Variants in FNDC3A observed in about 807,000 individuals in gnomAD.
FNDC3A encodes the protein fibronectin type-III domain-containing protein 3A.
FNDC3A carries 32 observed loss-of-function variants against 148.9 expected under a neutral mutation model. That is an observed-to-expected ratio of 0.21 (90% CI 0.16 to 0.29). The LOEUF (loss-of-function observed/expected upper bound fraction) is 0.29. Ranked by LOEUF, FNDC3A falls within the 10% of genes least tolerant of loss-of-function variation. FNDC3A has a pLI of 1.00. For synonymous variants in FNDC3A, 472 were observed against 473.6 expected (o/e 1.00, Z 0.04); for missense variants, 1,191 against 1,452.8 (o/e 0.82, Z 2.93).
chr13:49,174,643 A>G, intron 12 of FNDC3A, 84 bp downstream of exon 12: 1 of 1,236,100 alleles, frequency 8.1e-7, no homozygotes, highest in African/African-American at 1.5e-5. Flanking sequence ...TGTCCAAATT[A>G]TTCATTAAAA....
intron 24 of FNDC3A, among the ~76,000 whole-genome samples, chr13:49,202,471 A>T (rs1201317060): frequency 6.6e-6 from 1 of 152,182 alleles, no homozygotes; most frequent in African/African-American, 2.4e-5. Flanking sequence ...AGGGGTTCTT[A>T]TTTTAAAGTG....
rs1484975584 is a variant in FNDC3A at position 49,188,625 on chromosome 13, C to G, written c.1936C>G (p.Gln646Glu). 3 of 1,599,378 alleles carry G rather than the reference C, an allele frequency of 1.9e-6. No homozygotes were observed. In the East Asian group the frequency reaches 6.7e-5, roughly 36 times the overall value. The change falls in exon 17 of 26, where the codon CAG (glutamine) becomes GAG (glutamate). Residue 646 changes from glutamine (Q) to glutamate (E), a missense_variant. Around this residue, in one of 3 missense-constraint regions of FNDC3A, gnomAD observed 751 missense variants for 944.0 expected, o/e 0.80. Coordinates refer to ENST00000492622, the MANE Select transcript of FNDC3A (RefSeq NM_001079673.2). ...AGTTTACTGCATCAGTGATGGAGGA[C>G]AGAGTGCGGTAATACTTATATGTAG... is the stretch of plus-strand genomic sequence containing the variant. ...LRVYCISDGG[Q>E]SAVSESLLVQ...
intron 2 of FNDC3A, among the ~76,000 whole-genome samples, chr13:49,057,938 C>A (rs551514326): frequency 9.9e-5 from 15 of 152,148 alleles, no homozygotes; most frequent in Middle Eastern, 3.4e-3. Flanking sequence ...GTATCTCCCC[C>A]CCAAAATTTA....
At chr13:49,206,340 TA>T (rs1555306665) in intron 25 of FNDC3A, among the ~76,000 whole-genome samples, 1 of 151,044 alleles carries the variant, frequency 6.6e-6, no homozygotes, top group Admixed American at 6.6e-5. Context: ...TATAGCTTCT[TA>T]TTTATGCCTA....
intron 2 of FNDC3A, among the ~76,000 whole-genome samples, chr13:49,050,402 G>T (rs993844565): frequency 7.9e-5 from 12 of 152,164 alleles, no homozygotes; most frequent in Non-Finnish European, 1.6e-4. Context: ...TTTTGACCCA[G>T]TGATCATTCA....
chr13:49,030,707 A>C (rs1874047065), intron 2 of FNDC3A, among the ~76,000 whole-genome samples: 1 of 152,244 alleles, frequency 6.6e-6, no homozygotes, highest in Non-Finnish European at 1.5e-5. Flanking sequence ...TTGTATTTCT[A>C]TATACGGGCA....
intron 2 of FNDC3A, among the ~76,000 whole-genome samples, chr13:49,010,712 A>T (rs942295810): frequency 2.0e-5 from 3 of 152,214 alleles, no homozygotes; most frequent in Admixed American, 6.6e-5. Flanking sequence ...AATACTGCCA[A>T]TACCCTAGAA....
Position 49,207,404 on chromosome 13 carries a change from C to T in FNDC3A, c.*9C>T. 6.7e-7 allele frequency: 1 copy of T among 1,481,682 alleles called. No individual in the cohort carries two copies. Among genetic ancestry groups the T allele is most frequent in the Non-Finnish European group, 9.3e-7 (1 of 1,076,726 alleles). 91.8% of individuals were successfully genotyped at this position (1,481,682 alleles called of 1,614,324 possible). On this transcript the variant is annotated 3_prime_UTR_variant, in exon 26 of 26. Coordinates refer to ENST00000492622, the MANE Select transcript of FNDC3A (RefSeq NM_001079673.2). ...ACTTTGTAATCAAGTGAAAATATAACTTTATTTTTTAACTCTATTACATTT... is the reference window on the plus strand; with the variant it reads ...ACTTTGTAATCAAGTGAAAATATAATTTTATTTTTTAACTCTATTACATTT...
chr13:49,062,047 TGC>T (rs1461823322), intron 2 of FNDC3A, among the ~76,000 whole-genome samples: 2 of 151,900 alleles, frequency 1.3e-5, no homozygotes, highest in Non-Finnish European at 2.9e-5. Context: ...TGTAAAGGAT[TGC>T]CAGGGACAAG....
In FNDC3A at chr13:49,208,492, G is replaced by A. The variant is rs887336576; in HGVS notation, c.*1097G>A. 8 of 152,556 alleles carry A rather than the reference G, an allele frequency of 5.2e-5. No homozygotes were observed. Among genetic ancestry groups the A allele is most frequent in the African/African-American group, 1.7e-4 (7 of 41,428 alleles). The allele number at this position is 152,556 out of a possible 1,614,324, so 9.5% of individuals were successfully genotyped here. ...CTGCTTTCTTTCTTGAAAACTAAAC[G>A]TTTAACGTATAATGTCTGTTTGGAT... On this transcript the variant is annotated 3_prime_UTR_variant, in exon 26 of 26. Coordinates refer to ENST00000492622, the MANE Select transcript of FNDC3A (RefSeq NM_001079673.2).
In FNDC3A at chr13:49,158,341, C is replaced by T. The variant is rs528330676; in HGVS notation, c.978-8903C>T. The stretch of plus-strand genomic sequence containing the variant: ...GGAAAGGGAACTCCCTGACCCCTTG[C>T]GCTTCCCAAGTGAGGCAATGCCTCG... On this transcript the variant is annotated intron_variant, in intron 8 of 25. Coordinates refer to ENST00000492622, the MANE Select transcript of FNDC3A (RefSeq NM_001079673.2). Among the ~76,000 whole-genome samples the T allele has an allele frequency of 1.5e-4, 23 of 152,354 alleles. No homozygotes were observed. The South Asian group carries it at 1.7e-3, about 11-fold the overall frequency.
chr13:49,042,760 G>GAGCA (rs1458620309), intron 2 of FNDC3A, among the ~76,000 whole-genome samples: 5 of 152,118 alleles, frequency 3.3e-5, no homozygotes, highest in African/African-American at 1.2e-4. Flanking sequence ...CTAGGCAACA[G>GAGCA]AGACCCTGTC....
chr13:49,191,226 G>A lies in FNDC3A; in HGVS notation c.2068G>A (p.Gly690Ser). The A allele has an allele frequency of 6.2e-7, 1 of 1,609,040 alleles. No individual in the cohort carries two copies. The highest frequency in any genetic ancestry group is 8.5e-7 in the Non-Finnish European group (1 of 1,178,208). Reference sequence around the variant, plus strand: ...TCTTTTAGGACCCCCTCTGGTTGATGGTGGATCACCCATTTCCTGTTACAG... The same window carrying A: ...TCTTTTAGGACCCCCTCTGGTTGATAGTGGATCACCCATTTCCTGTTACAG... Reference protein sequence around the residue: ...QLRWGPPLVDGGSPISCYSVE... With the variant: ...QLRWGPPLVDSGSPISCYSVE... Residue 690 changes from glycine (G) to serine (S), a missense_variant, in exon 19 of 26, where the codon GGT becomes AGT. This residue lies in a region of FNDC3A where 751 missense variants were observed against 944.0 expected (regional missense o/e 0.80). Coordinates refer to ENST00000492622, the MANE Select transcript of FNDC3A (RefSeq NM_001079673.2).
chr13:49,122,681 A>G (rs1259184948), intron 4 of FNDC3A, among the ~76,000 whole-genome samples: 1 of 152,208 alleles, frequency 6.6e-6, no homozygotes, highest in African/African-American at 2.4e-5. Flanking sequence ...TGCAAAAATC[A>G]CAAGCATTCC....
At chr13:49,148,350 A>C (rs1025256204) in intron 8 of FNDC3A, among the ~76,000 whole-genome samples, 5 of 149,468 alleles carry the variant, frequency 3.3e-5, no homozygotes, top group African/African-American at 1.3e-4. Flanking sequence ...TCAGGTCTTA[A>C]ACATTTAAGT....
chr13:49,122,762 A>G (rs191941196), intron 4 of FNDC3A, among the ~76,000 whole-genome samples: 260 of 152,308 alleles, frequency 1.7e-3, no homozygotes, highest in African/African-American at 6.1e-3. Flanking sequence ...CTACAAAGAG[A>G]ACAAAATACC....
chr13:48,992,452 A>G (rs757810968), intron 1 of FNDC3A, among the ~76,000 whole-genome samples: 13 of 152,212 alleles, frequency 8.5e-5, no homozygotes, highest in Non-Finnish European at 1.6e-4. Context: ...ATAATAAGAA[A>G]ACAGTCTAGT....
intron 2 of FNDC3A, among the ~76,000 whole-genome samples, chr13:49,018,317 C>T (rs1235208213): frequency 6.6e-6 from 1 of 152,110 alleles, no homozygotes; most frequent in Non-Finnish European, 1.5e-5. Context: ...ATTCTTTTTT[C>T]TCTAAACTTC....
chr13:49,053,242 T>C (rs1875981203), intron 2 of FNDC3A, among the ~76,000 whole-genome samples: 2 of 152,230 alleles, frequency 1.3e-5, no homozygotes, highest in African/African-American at 4.8e-5. Context: ...CTGTGGATTC[T>C]CCCGGCTTTC....
Sources: allele counts gnomAD v4.1 joint callset (sites outside exome capture counted in the v4.1 genomes callset), GRCh38; gene constraint gnomAD v4.1.1; regional missense constraint gnomAD v4.1.1; transcripts MANE v1.5; gene names NCBI Gene and HGNC (gene_info 2026-07-23, HGNC 2026-07-21).